Variants in ZNF385D observed in about 807,000 individuals in gnomAD.
ZNF385D encodes the protein zinc finger protein 659.
Under a neutral mutation model 35.8 loss-of-function variants are expected in ZNF385D, and 15 were observed. The ratio of observed to expected loss-of-function variants is 0.42; its 90% CI spans 0.28 to 0.64. The LOEUF is 0.64. ZNF385D is among the 30% of genes least tolerant of loss of function. The pLI, the probability that ZNF385D is intolerant of heterozygous loss-of-function variation, is 0.23. For missense variants in ZNF385D, 474 were observed against 494.6 expected (o/e 0.96, Z 0.39); for synonymous variants, 212 against 186.8 (o/e 1.13, Z -1.10).
chr3:21,823,375 G>A (rs528356542), intron 3 of ZNF385D, among the ~76,000 whole-genome samples: 2 of 152,228 alleles, frequency 1.3e-5, no homozygotes, highest in African/African-American at 4.8e-5. Context: ...CCTAAACACT[G>A]ATTTACTGGA....
At chr3:22,219,862 T>C (rs1465843469) in intron 2 of ZNF385D, among the ~76,000 whole-genome samples, 2 of 152,086 alleles carry the variant, frequency 1.3e-5, no homozygotes, top group Non-Finnish European at 2.9e-5. Flanking sequence ...GACTTTTAGA[T>C]CTTGGAATTG....
intron 2 of ZNF385D, among the ~76,000 whole-genome samples, chr3:22,207,037 A>G (rs1369001832): frequency 1.3e-5 from 2 of 151,906 alleles, no homozygotes; most frequent in Non-Finnish European, 2.9e-5. Context: ...TAAATAAAGA[A>G]GAGCCAAATA....
chr3:21,775,033 T>G (rs1006155940), intron 3 of ZNF385D, among the ~76,000 whole-genome samples: 1 of 151,862 alleles, frequency 6.6e-6, no homozygotes, highest in African/African-American at 2.4e-5. Flanking sequence ...AATTTCATGG[T>G]ATAAGTACAA....
At chr3:21,551,532 T>C (rs2062568805) in intron 3 of ZNF385D, among the ~76,000 whole-genome samples, 1 of 152,258 alleles carries the variant, frequency 6.6e-6, no homozygotes, top group Admixed American at 6.5e-5. Flanking sequence ...TAGTGAATCA[T>C]TGAGTATCCA....
At chr3:22,309,371 G>C (rs575402414) in intron 2 of ZNF385D, among the ~76,000 whole-genome samples, 3 of 152,130 alleles carry the variant, frequency 2.0e-5, no homozygotes, top group South Asian at 4.1e-4. Context: ...TAAGAAAGAA[G>C]AGAAGCAAGT....
intron 2 of ZNF385D, among the ~76,000 whole-genome samples, chr3:21,582,265 G>A (rs191698782): frequency 1.3e-5 from 2 of 152,060 alleles, no homozygotes; most frequent in African/African-American, 2.4e-5. Flanking sequence ...GGGTTTTTTG[G>A]TGGTTGGCAT....
intron 3 of ZNF385D, among the ~76,000 whole-genome samples, chr3:22,059,640 G>T (rs1014267922): frequency 6.6e-6 from 1 of 152,066 alleles, no homozygotes; most frequent in African/African-American, 2.4e-5. Context: ...GAATGCCTTT[G>T]AGTTCTCCAA....
chr3:22,058,090 A>T (rs1559336879), intron 3 of ZNF385D, among the ~76,000 whole-genome samples: 1 of 152,226 alleles, frequency 6.6e-6, no homozygotes, highest in Non-Finnish European at 1.5e-5. Flanking sequence ...GTGCTACACA[A>T]GCTGACAGAC....
intron 3 of ZNF385D, among the ~76,000 whole-genome samples, chr3:22,105,387 G>C (rs564059939): frequency 1.3e-5 from 2 of 150,876 alleles, no homozygotes; most frequent in South Asian, 4.2e-4. Context: ...CTCTATATGT[G>C]TGTGTATACA....
intron 3 of ZNF385D, among the ~76,000 whole-genome samples, chr3:21,763,583 A>G (rs9865135): frequency 0.78 from 118,987 of 152,104 alleles, 47,630 homozygotes; most frequent in East Asian, 0.98. Flanking sequence ...CAGGCAATAA[A>G]TGTCCAGGGA....
chr3:22,058,226 A>G (rs1699509425), intron 3 of ZNF385D, among the ~76,000 whole-genome samples: 2 of 152,218 alleles, frequency 1.3e-5, no homozygotes, highest in Admixed American at 1.3e-4. Context: ...AGCAAACTGT[A>G]TTAGAATACT....
intron 3 of ZNF385D, among the ~76,000 whole-genome samples, chr3:21,874,063 C>T (rs933516339): frequency 6.6e-6 from 1 of 151,640 alleles, no homozygotes; most frequent in East Asian, 1.9e-4. Context: ...TTGGTGAAAC[C>T]TCTATACTAT....
chr3:21,457,023 C>T (rs1702867203), intron 4 of ZNF385D, among the ~76,000 whole-genome samples: 1 of 152,178 alleles, frequency 6.6e-6, no homozygotes, highest in Non-Finnish European at 1.5e-5. Flanking sequence ...TGATGACCCT[C>T]TACTGGAATG....
chr3:21,568,419 G>GAA (rs1372872082), intron 2 of ZNF385D, among the ~76,000 whole-genome samples: 1 of 152,084 alleles, frequency 6.6e-6, no homozygotes, highest in African/African-American at 2.4e-5. Flanking sequence ...TATATAAAAA[G>GAA]AAAGTCATGT....
intron 2 of ZNF385D, among the ~76,000 whole-genome samples, chr3:22,347,081 G>C (rs1317705083): frequency 6.6e-6 from 1 of 151,814 alleles, no homozygotes; most frequent in African/African-American, 2.4e-5. Flanking sequence ...CTGCAAAAAT[G>C]AAAGTGACAT....
At chr3:22,287,469 C>T (rs1055732408) in intron 2 of ZNF385D, among the ~76,000 whole-genome samples, 5 of 151,886 alleles carry the variant, frequency 3.3e-5, no homozygotes, top group African/African-American at 1.2e-4. Flanking sequence ...GTCTTTGCGG[C>T]TTAATGGTTC....
rs141492975 is a variant in ZNF385D at position 21,466,629 on chromosome 3, A to C, written c.440-29426T>G. Among the ~76,000 whole-genome samples the C allele has an allele frequency of 7.3e-3, 1,105 of 152,282 alleles. 7 individuals are homozygous for C. Among genetic ancestry groups the C allele is most frequent in the Non-Finnish European group, 0.011 (731 of 68,018 alleles). On this transcript the variant is annotated intron_variant, in intron 4 of 7. Transcript: ENST00000281523. Reference sequence around the variant, plus strand: ...TCCTCACTAGCCTGAAAGAAATGGTAATGTAGTCATCTTGTTCTTATTTAT... The same window carrying C: ...TCCTCACTAGCCTGAAAGAAATGGTCATGTAGTCATCTTGTTCTTATTTAT...
intron 3 of ZNF385D, among the ~76,000 whole-genome samples, chr3:21,788,923 G>C (rs781612264): frequency 1.3e-4 from 20 of 152,174 alleles, no homozygotes; most frequent in African/African-American, 2.2e-4. Context: ...GTCTGGATTA[G>C]GGCAGGAGGT....
At chr3:21,586,480 G>C (rs1156548254) in intron 2 of ZNF385D, among the ~76,000 whole-genome samples, 1 of 152,158 alleles carries the variant, frequency 6.6e-6, no homozygotes, top group Non-Finnish European at 1.5e-5. Flanking sequence ...AATGCTTATG[G>C]TCATGATGAA....
Sources: gnomAD v4.1 joint callset for allele counts (sites outside exome capture counted in the v4.1 genomes callset) on GRCh38, gnomAD v4.1.1 for gene constraint, MANE v1.5 for transcripts, NCBI Gene and HGNC (gene_info 2026-07-23, HGNC 2026-07-21) for gene names.